EPB41L1: variants seen among roughly 807,000 people sequenced by gnomAD.
EPB41L1 encodes the protein erythrocyte membrane protein band 4.1 like 1, also known as band 4.1-like protein 1.
EPB41L1 carries 29 observed loss-of-function variants against 97.8 expected under a neutral mutation model. The ratio of observed to expected loss-of-function variants is 0.30; its 90% confidence interval spans 0.22 to 0.40. The LOEUF (loss-of-function observed/expected upper bound fraction) is 0.40, where lower values mean the gene tolerates loss of function less well. Among genes scored for constraint, EPB41L1 ranks in the 10% least tolerant of loss-of-function variants. EPB41L1 has a pLI of 1.00. For missense variants in EPB41L1, 812 were observed against 1,162.3 expected (o/e 0.70, Z 4.38); for synonymous variants, 383 against 459.2 (o/e 0.83, Z 2.12).
At chr20:36,161,795 CTG>C in intron 1 of EPB41L1, among the ~76,000 whole-genome samples, 1 of 147,894 alleles carries the variant, frequency 6.8e-6, no homozygotes, top group South Asian at 2.2e-4. Context: ...GCCTGTCACT[CTG>C]TCACCCAGGC....
In EPB41L1 at chr20:36,142,484, A is replaced by T. The variant is rs73101474; in HGVS notation, c.-10+30004A>T. Among the ~76,000 whole-genome samples, 353 of 152,334 alleles carry T rather than the reference A, an allele frequency of 2.3e-3. 1 individual carries two copies. The highest frequency in any genetic ancestry group is 3.4e-3 in the Non-Finnish European group (231 of 68,020). Reference sequence around the variant, plus strand: ...AACGGTATGCACACTTTTAAGGCTTATCATGTACTTTTTCAACGATGAAAG... The same window carrying T: ...AACGGTATGCACACTTTTAAGGCTTTTCATGTACTTTTTCAACGATGAAAG... On this transcript the variant is annotated intron_variant, in intron 2 of 19. Coordinates refer to the EPB41L1 transcript ENST00000202028.
In EPB41L1 at chr20:36,222,256, C is replaced by A. The variant is rs547538314; in HGVS notation, c.2521-22C>A. The A allele has an allele frequency of 1.9e-5, 30 of 1,589,134 alleles. No individual in the cohort carries two copies. In the South Asian group the frequency reaches 3.3e-4, roughly 18 times the overall value. On this transcript the variant is annotated intron_variant, in intron 20 of 21. Transcript: ENST00000338074. ...GTCTTGGATAGTTCATGGTTCCTTC[C>A]TTTGCTGTTCTTTACCACCAGGCCC...
At chr20:36,142,140 C>CA (rs1639998120) in intron 2 of EPB41L1, among the ~76,000 whole-genome samples, 2 of 149,366 alleles carry the variant, frequency 1.3e-5, no homozygotes, top group Non-Finnish European at 3.0e-5. Context: ...GAAAAAAGAA[C>CA]AAAAAACGTA....
At chr20:36,103,279 A>G (rs1217140982) in intron 1 of EPB41L1, among the ~76,000 whole-genome samples, 1 of 152,244 alleles carries the variant, frequency 6.6e-6, no homozygotes, top group African/African-American at 2.4e-5. Flanking sequence ...GGCTGTGCAC[A>G]GAACAAGTTC....
In EPB41L1 at chr20:36,154,761, G is replaced by A. The variant is rs1458519134; in HGVS notation, c.-150G>A. Reference sequence around the variant, plus strand: ...CTGCAGTCGGCATCCATCAGCGGGCGGGGGTGTCGCCGAACAGGCTGCTCC... The same window carrying A: ...CTGCAGTCGGCATCCATCAGCGGGCAGGGGTGTCGCCGAACAGGCTGCTCC... On this transcript the variant is annotated 5_prime_UTR_variant, in exon 1 of 22. Transcript: ENST00000338074. The surrounding 1 kb of genome is among the most constrained non-coding windows in gnomAD (Gnocchi z 5.5). The A allele has an allele frequency of 9.1e-6, 9 of 986,638 alleles. No homozygotes were observed. Among genetic ancestry groups the A allele is most frequent in the Non-Finnish European group, 9.6e-6 (8 of 830,858 alleles). 61.1% of individuals were successfully genotyped at this position (986,638 alleles called of 1,614,324 possible). A position where few individuals can be genotyped will look rare whatever the true frequency, so the allele number is the denominator to read the frequency against.
At chr20:36,167,843 G>A (rs2060804998) in intron 1 of EPB41L1, among the ~76,000 whole-genome samples, 1 of 152,116 alleles carries the variant, frequency 6.6e-6, no homozygotes, top group African/African-American at 2.4e-5. Flanking sequence ...TGGTCACAGG[G>A]AGACCATGGA....
intron 8 of EPB41L1, among the ~76,000 whole-genome samples, chr20:36,188,011 C>T (rs1380670582): frequency 3.3e-5 from 5 of 152,134 alleles, no homozygotes; most frequent in Admixed American, 2.6e-4. Flanking sequence ...GAGGGAAAGA[C>T]GTAGGCCTTA....
rs2064549150 is a variant in EPB41L1 at position 36,232,765 on chromosome 20, A to G, written c.*3425A>G. On this transcript the variant is annotated 3_prime_UTR_variant, in exon 22 of 22. Coordinates refer to ENST00000338074, the MANE Select transcript of EPB41L1 (RefSeq NM_012156.2). ...TGCTCTCTGTTCTTGTATACTCAATATAAGTGAAATAAATGTGTTTGATGC... is the reference window on the plus strand; with the variant it reads ...TGCTCTCTGTTCTTGTATACTCAATGTAAGTGAAATAAATGTGTTTGATGC... 2 of 398,436 alleles carry G rather than the reference A, an allele frequency of 5.0e-6. No homozygotes were observed. Among genetic ancestry groups the G allele is most frequent in the Non-Finnish European group, 8.8e-6 (2 of 226,066 alleles). The allele number at this position is 398,436 out of a possible 1,614,324, so 24.7% of individuals were successfully genotyped here. A position where few individuals can be genotyped will look rare whatever the true frequency, so the allele number is the denominator to read the frequency against.
At chr20:36,219,026 G>A (rs964171895) in intron 18 of EPB41L1, 64 bp downstream of exon 18, 2 of 1,540,748 alleles carry the variant, frequency 1.3e-6, no homozygotes, top group African/African-American at 1.4e-5. Context: ...ATGGACCCAT[G>A]TATGGCTGGC....
At chr20:36,204,358 C>T (rs1179670841) in intron 14 of EPB41L1, among the ~76,000 whole-genome samples, 1 of 152,000 alleles carries the variant, frequency 6.6e-6, no homozygotes, top group African/African-American at 2.4e-5. Context: ...CAGTGACCTT[C>T]CTGCTTTTCT....
At chr20:36,160,740 G>A (rs1427131894) in intron 1 of EPB41L1, among the ~76,000 whole-genome samples, 1 of 151,906 alleles carries the variant, frequency 6.6e-6, no homozygotes, top group Non-Finnish European at 1.5e-5. Context: ...AACCAGAATG[G>A]GATCATACAT....
At chr20:36,094,744 C>T (rs190262820) in intron 1 of EPB41L1, among the ~76,000 whole-genome samples, 68 of 152,258 alleles carry the variant, frequency 4.5e-4, no homozygotes, top group Non-Finnish European at 8.7e-4. Context: ...TCTGTCCCCT[C>T]CTTGAATCCC....
intron 2 of EPB41L1, among the ~76,000 whole-genome samples, chr20:36,127,243 T>G (rs2059007777): frequency 6.6e-6 from 1 of 152,200 alleles, no homozygotes; most frequent in Admixed American, 6.5e-5. Flanking sequence ...CCTGTCTGGG[T>G]CTGGCGGAAT....
chr20:36,108,909 T>C (rs954824508), intron 1 of EPB41L1, among the ~76,000 whole-genome samples: 1 of 151,564 alleles, frequency 6.6e-6, no homozygotes. Flanking sequence ...AATGTTACCC[T>C]GGACAGCCCC....
At chr20:36,141,991 C>T (rs1391621897) in intron 2 of EPB41L1, among the ~76,000 whole-genome samples, 2 of 151,814 alleles carry the variant, frequency 1.3e-5, no homozygotes, top group African/African-American at 4.8e-5. Flanking sequence ...CACCTGTAAT[C>T]CCAATTACTC....
intron 12 of EPB41L1, among the ~76,000 whole-genome samples, chr20:36,194,794 C>T (rs1455610866): frequency 2.6e-5 from 4 of 152,186 alleles, no homozygotes; most frequent in African/African-American, 7.2e-5. Flanking sequence ...CAGGTGCACA[C>T]ACACAGTCCC....
intron 2 of EPB41L1, chr20:36,125,564 A>G: frequency 6.5e-7 from 1 of 1,534,440 alleles, no homozygotes; most frequent in Non-Finnish European, 8.7e-7. Context: ...TGGGGGATTC[A>G]GAAAGGTAGA....
At position 36,187,679 on chromosome 20, in the gene EPB41L1, G is replaced by A; in HGVS notation, c.789G>A (p.Gly263=). 6.8e-6 allele frequency: 11 copies of A among 1,613,978 alleles called. No homozygotes were observed. The highest frequency in any genetic ancestry group is 9.3e-6 in the Non-Finnish European group (11 of 1,179,930). Residue 263 remains glycine (G), a synonymous_variant, in exon 8 of 22, where the codon GGG becomes GGA. Transcript: ENST00000338074. The stretch of plus-strand genomic sequence containing the variant: ...GTGATCACTTTCTTTCCCTCAGGGG[G>A]ATGACCCCGGGAGAAGCAGAAATCC... ...RIMELHKTYR[G]MTPGEAEIHF... is the part of the protein sequence containing the mutation.
chr20:36,175,823 C>T (rs764956865), intron 3 of EPB41L1, 108 bp downstream of exon 3: 41 of 1,176,446 alleles, frequency 3.5e-5, no homozygotes, highest in Non-Finnish European at 4.8e-5. Flanking sequence ...GAGTCCTGGA[C>T]CAGTCACAGT....
Sources: allele counts gnomAD v4.1 joint callset (sites outside exome capture counted in the v4.1 genomes callset), GRCh38; gene constraint gnomAD v4.1.1; non-coding constraint Gnocchi (gnomAD v3.1); transcripts MANE v1.5; gene names NCBI Gene and HGNC (gene_info 2026-07-23, HGNC 2026-07-21).